The following BORCS5 variants were observed in gnomAD, a reference collection of about 807,000 sequenced individuals.
BORCS5 encodes BLOC-1 related complex subunit 5, also known as BLOC-1-related complex subunit 5.
A neutral mutation model predicts 22.1 loss-of-function variants in BORCS5; 17 were observed. That is an observed-to-expected ratio of 0.77 (90% CI 0.53 to 1.15). The LOEUF (loss-of-function observed/expected upper bound fraction) is 1.15. Ranked by LOEUF, BORCS5 falls within the 50% of genes most tolerant of loss-of-function variation. The pLI, the probability that BORCS5 is intolerant of heterozygous loss-of-function variation, is 0.00. For synonymous variants in BORCS5, 117 were observed against 99.8 expected, an observed-to-expected ratio of 1.17 and a Z score of -1.03; for missense variants, 247 against 253.2, an observed-to-expected ratio of 0.98 and a Z score of 0.17.
intron 2 of BORCS5, among the ~76,000 whole-genome samples, chr12:12,411,386 T>C (rs1183770769): frequency 1.3e-5 from 2 of 152,214 alleles, no homozygotes; most frequent in African/African-American, 4.8e-5. Flanking sequence ...TTTGTATCTC[T>C]TATTTGGAGA....
intron 2 of BORCS5, among the ~76,000 whole-genome samples, chr12:12,369,215 T>A (rs1275346943): frequency 6.6e-6 from 1 of 152,220 alleles, no homozygotes; most frequent in Admixed American, 6.5e-5. Context: ...TGTAGTCTAA[T>A]TTGTTTTCTA....
chr12:12,416,832 A>G (rs1481528146), intron 2 of BORCS5, among the ~76,000 whole-genome samples: 1 of 130,758 alleles, frequency 7.6e-6, no homozygotes, highest in East Asian at 2.2e-4. Flanking sequence ...CCCAGGCTGG[A>G]GTGCAGTGGC....
At chr12:12,401,990 C>T (rs1394090890) in intron 2 of BORCS5, among the ~76,000 whole-genome samples, 5 of 149,040 alleles carry the variant, frequency 3.4e-5, no homozygotes, top group South Asian at 2.1e-4. Flanking sequence ...GGCGTGAACC[C>T]GGGAGGCGGA....
At chr12:12,456,622 C>T (rs529261281) in intron 3 of BORCS5, among the ~76,000 whole-genome samples, 5 of 152,150 alleles carry the variant, frequency 3.3e-5, no homozygotes, top group East Asian at 3.9e-4. Flanking sequence ...TATACATGTA[C>T]GCATGTACGC....
chr12:12,363,813 G>A (rs1407157847), intron 2 of BORCS5, among the ~76,000 whole-genome samples: 1 of 151,820 alleles, frequency 6.6e-6, no homozygotes, highest in East Asian at 1.9e-4. Flanking sequence ...CAGGAGAATT[G>A]CTAGAACCAG....
At position 12,470,694 on chromosome 12, in the gene BORCS5, A is replaced by C. The variant is rs1416879864; in HGVS notation, c.*4918A>C. On this transcript the variant is annotated 3_prime_UTR_variant, in exon 4 of 4. Transcript: ENST00000314565. The stretch of plus-strand genomic sequence containing the variant: ...CATGTGGGTTTTTTTTTTTTGACAC[A>C]CCAGGCATGTCTCTTCCATTCAAAT... Among the ~76,000 whole-genome samples the C allele has an allele frequency of 1.3e-5, 2 of 149,418 alleles. No homozygotes were observed. Among genetic ancestry groups the C allele is most frequent in the African/African-American group, 4.9e-5 (2 of 40,476 alleles).
chr12:12,426,183 A>G (rs1237962633), intron 2 of BORCS5, among the ~76,000 whole-genome samples: 2 of 152,154 alleles, frequency 1.3e-5, no homozygotes, highest in African/African-American at 4.8e-5. Context: ...GGTAAGTTCA[A>G]ACAGAGAGCA....
At chr12:12,395,953 G>C (rs1208279150) in intron 2 of BORCS5, among the ~76,000 whole-genome samples, 3 of 151,998 alleles carry the variant, frequency 2.0e-5, no homozygotes, top group African/African-American at 7.3e-5. Context: ...GATTGAGGGA[G>C]CAGAATAATG....
At chr12:12,412,645 C>T (rs1453384933) in intron 2 of BORCS5, among the ~76,000 whole-genome samples, 1 of 152,054 alleles carries the variant, frequency 6.6e-6, no homozygotes, top group Non-Finnish European at 1.5e-5. Context: ...GACAGAACTT[C>T]CATTATTATG....
intron 2 of BORCS5, among the ~76,000 whole-genome samples, chr12:12,428,580 T>C (rs548168061): frequency 1.3e-3 from 195 of 150,708 alleles, no homozygotes; most frequent in African/African-American, 4.4e-3. Context: ...AAAGAAGAAG[T>C]AGAAAACTGA....
Position 12,398,639 on chromosome 12 carries a change from A to T in BORCS5, c.203-36989A>T, listed in dbSNP as rs1211355788. ...ATGCTGCATCAAGGATGAGTGAAGAAGTCTCTGGAATACAGTGCTATCAAA... is the reference window on the plus strand; with the variant it reads ...ATGCTGCATCAAGGATGAGTGAAGATGTCTCTGGAATACAGTGCTATCAAA... On this transcript the variant is annotated intron_variant, in intron 2 of 3. Transcript: ENST00000314565. Among the ~76,000 whole-genome samples the T allele has an allele frequency of 2.6e-5, 4 of 152,280 alleles. No individual in the cohort carries two copies. In the East Asian group the frequency reaches 5.8e-4, roughly 22 times the overall value.
rs565956872 is a variant in BORCS5, at chr12:12,468,152, G to A, written c.*2376G>A. 2.1e-4 allele frequency: 32 copies of A among 152,204 alleles called. No homozygotes were observed. The highest frequency in any genetic ancestry group is 7.7e-4 in the African/African-American group (32 of 41,530). 9.4% of individuals were successfully genotyped at this position (152,204 alleles called of 1,614,324 possible). Reference sequence around the variant, plus strand: ...GTGGTCTGGTGAAGAAGAAACAGCCGAACCGAGACTTTCACCAGCCCCTCT... The same window carrying A: ...GTGGTCTGGTGAAGAAGAAACAGCCAAACCGAGACTTTCACCAGCCCCTCT... On this transcript the variant is annotated 3_prime_UTR_variant, in exon 4 of 4. Coordinates refer to ENST00000314565, the MANE Select transcript of BORCS5 (RefSeq NM_058169.6).
At chr12:12,408,752 A>ATG (rs1491534275) in intron 2 of BORCS5, among the ~76,000 whole-genome samples, 1 of 152,212 alleles carries the variant, frequency 6.6e-6, no homozygotes, top group African/African-American at 2.4e-5. Flanking sequence ...TGAATACCAC[A>ATG]TGTGTATATA....
intron 2 of BORCS5, among the ~76,000 whole-genome samples, chr12:12,423,648 G>C (rs1942200799): frequency 6.6e-6 from 1 of 150,832 alleles, no homozygotes. Context: ...CCTTTTATGT[G>C]ATAAGGTGTT....
At chr12:12,457,633 G>T (rs573770618) in intron 3 of BORCS5, among the ~76,000 whole-genome samples, 2 of 152,280 alleles carry the variant, frequency 1.3e-5, no homozygotes, top group African/African-American at 2.4e-5. Context: ...TCGCGCCACT[G>T]CACTCCATAG....
chr12:12,393,988 G>A (rs1462559043), intron 2 of BORCS5, among the ~76,000 whole-genome samples: 3 of 151,908 alleles, frequency 2.0e-5, no homozygotes, highest in Non-Finnish European at 4.4e-5. Flanking sequence ...TCCCCTTGCT[G>A]ATAGCAAGTA....
intron 3 of BORCS5, among the ~76,000 whole-genome samples, chr12:12,459,505 T>C (rs1377713796): frequency 6.6e-6 from 1 of 152,136 alleles, no homozygotes; most frequent in Admixed American, 6.5e-5. Flanking sequence ...AGACGGGATT[T>C]CACCATGTTG....
chr12:12,435,174 T>G (rs1227440925), intron 2 of BORCS5, among the ~76,000 whole-genome samples: 1 of 152,232 alleles, frequency 6.6e-6, no homozygotes, highest in African/African-American at 2.4e-5. Flanking sequence ...TTTCTTTTTC[T>G]CAGTTTTTCA....
chr12:12,442,031 G>A (rs763343841), intron 3 of BORCS5, among the ~76,000 whole-genome samples: 4 of 152,160 alleles, frequency 2.6e-5, no homozygotes, highest in Admixed American at 6.5e-5. Context: ...ATCTATCATT[G>A]AAATGTGGGG....
Sources: gnomAD v4.1 joint callset for allele counts (sites outside exome capture counted in the v4.1 genomes callset) on GRCh38, gnomAD v4.1.1 for gene constraint, MANE v1.5 for transcripts, NCBI Gene and HGNC (gene_info 2026-07-23, HGNC 2026-07-21) for gene names.